MEX3C: variants seen among roughly 807,000 people sequenced by gnomAD.
The protein encoded by MEX3C is RNA-binding E3 ubiquitin-protein ligase MEX3C.
MEX3C carries 15 observed loss-of-function variants against 35.5 expected under a neutral mutation model. The ratio of observed to expected loss-of-function variants is 0.42; its 90% CI spans 0.28 to 0.65. The LOEUF (loss-of-function observed/expected upper bound fraction) is 0.65. Among genes scored for constraint, MEX3C ranks in the 30% least tolerant of loss-of-function variants. MEX3C has a pLI of 0.20. For missense variants in MEX3C, 711 were observed against 842.8 expected (o/e 0.84, Z 1.94); for synonymous variants, 390 against 352.8 (o/e 1.11, Z -1.18).
intron 1 of MEX3C, among the ~76,000 whole-genome samples, chr18:51,183,168 G>C (rs2144551528): frequency 1.3e-5 from 2 of 152,272 alleles, no homozygotes; most frequent in Middle Eastern, 6.8e-3. Flanking sequence ...AGACAGCTCA[G>C]ACATATTTGT....
rs771762673 is a variant in MEX3C at position 51,197,023 on chromosome 18, C to T, written c.298G>A (p.Ala100Thr). Residue 100 changes from alanine (A) to threonine (T), a missense_variant, in exon 1 of 2, where the codon GCC becomes ACC. Coordinates refer to ENST00000406189, the MANE Select transcript of MEX3C (RefSeq NM_016626.5). ...EERAPPGRPG[A>T]PEAAELELEE... ...AGCTCCAGCTCGGCCGCCTCCGGGG[C>T]CCCGGGCCGGCCGGGCGGAGCCCGC... 17 of 1,520,904 alleles carry T rather than the reference C, an allele frequency of 1.1e-5. No individual in the cohort carries two copies. The highest frequency in any genetic ancestry group is 3.6e-5 in the South Asian group (3 of 82,388). The allele number at this position is 1,520,904 out of a possible 1,614,324, so 94.2% of individuals were successfully genotyped here.
At chr18:51,189,875 A>G (rs1173046434) in intron 1 of MEX3C, among the ~76,000 whole-genome samples, 1 of 152,198 alleles carries the variant, frequency 6.6e-6, no homozygotes, top group East Asian at 1.9e-4. Flanking sequence ...GACATATTAT[A>G]AATTTAAAAA....
rs764407076 is a variant in MEX3C at position 51,176,405 on chromosome 18, T to C, written c.1926A>G (p.Pro642=). The C allele has an allele frequency of 3.7e-6, 6 of 1,613,880 alleles. No homozygotes were observed. The highest frequency in any genetic ancestry group is 1.1e-5 in the South Asian group (1 of 91,082). ...CANKICEKRT[P]SCPVCQTAVT... ...CAGCTGTCTGGCAAACTGGACATGATGGCGTTCTCTTTTCACAGATCTTGT... is the reference window on the plus strand; with the variant it reads ...CAGCTGTCTGGCAAACTGGACATGACGGCGTTCTCTTTTCACAGATCTTGT... Residue 642 remains proline, a synonymous_variant, in exon 2 of 2, where the codon CCA becomes CCG. Transcript: ENST00000406189.
At chr18:51,181,609 C>G (rs1263137852) in intron 1 of MEX3C, among the ~76,000 whole-genome samples, 12 of 152,338 alleles carry the variant, frequency 7.9e-5, no homozygotes, top group African/African-American at 1.4e-4. Context: ...TCTTACGCTT[C>G]TACAATCTTC....
intron 1 of MEX3C, 102 bp downstream of exon 1, chr18:51,196,465 G>A (rs1350883923): frequency 1.4e-6 from 2 of 1,476,004 alleles, no homozygotes; most frequent in African/African-American, 1.4e-5. Flanking sequence ...TGGACTTGGG[G>A]GCCTCGCCGG....
Position 51,177,414 on chromosome 18 carries a change from G to A in MEX3C, c.917C>T (p.Ser306Phe). The A allele has an allele frequency of 6.2e-7, 1 of 1,613,946 alleles. No homozygotes were observed. The highest frequency in any genetic ancestry group is 8.5e-7 in the Non-Finnish European group (1 of 1,179,874). The change falls in exon 2 of 2, where the codon TCT becomes TTT. Residue 306 changes from serine to phenylalanine, a missense_variant. Ser to Phe is a radical substitution (Grantham distance 155). Transcript: ENST00000406189. The surrounding 1 kb of genome is among the most constrained non-coding windows in gnomAD (Gnocchi z 4.2). ...CAGGGCAGGCCCATTTTTGTTTCGA[G>A]ATGCACGAATCATGGAGAAGTGCTC... ...AAEHFSMIRA[S>F]RNKNGPALGG...
chr18:51,192,286 A>G (rs1912668186), intron 1 of MEX3C, among the ~76,000 whole-genome samples: 1 of 152,170 alleles, frequency 6.6e-6, no homozygotes, highest in Non-Finnish European at 1.5e-5. Flanking sequence ...GGCAGGAAGA[A>G]AGGCAGTAGA....
chr18:51,182,162 G>C (rs1163238569), intron 1 of MEX3C, among the ~76,000 whole-genome samples: 1 of 152,096 alleles, frequency 6.6e-6, no homozygotes, highest in East Asian at 1.9e-4. Context: ...CTCTTACTCT[G>C]TCTTGTTTAT....
chr18:51,179,361 GT>G (rs1399446581), intron 1 of MEX3C, among the ~76,000 whole-genome samples: 1 of 152,108 alleles, frequency 6.6e-6, no homozygotes, highest in East Asian at 1.9e-4. Context: ...GAACTTGTTT[GT>G]TTGCCCTTCC....
At chr18:51,183,935 T>C (rs1459540276) in intron 1 of MEX3C, among the ~76,000 whole-genome samples, 2 of 152,172 alleles carry the variant, frequency 1.3e-5, no homozygotes, top group African/African-American at 4.8e-5. Flanking sequence ...CAGGAGGTCA[T>C]GGCTGCAGTG....
At chr18:51,196,401 G>A in intron 1 of MEX3C, 166 bp downstream of exon 1, 3 of 1,384,760 alleles carry the variant, frequency 2.2e-6, no homozygotes, top group Non-Finnish European at 2.8e-6. Flanking sequence ...TTTTCGCAAG[G>A]TGACCCATCT....
Position 51,176,452 on chromosome 18 carries a change from G to A in MEX3C, c.1879C>T (p.Leu627Phe). ...IAALVPCGHN[L>F]FCMECANKIC... The stretch of plus-strand genomic sequence containing the variant: ...TTGTTGGCACATTCCATGCAGAAGA[G>A]GTTGTGGCCACATGGAACTAGGGCA... Residue 627 changes from leucine (L) to phenylalanine (F), a missense_variant, in exon 2 of 2, where the codon CTC becomes TTC. Physicochemically the swap from Leu to Phe is conservative, Grantham distance 22. This residue lies in a region of MEX3C where 87 missense variants were observed against 150.4 expected (regional missense o/e 0.58). Coordinates refer to ENST00000406189, the MANE Select transcript of MEX3C (RefSeq NM_016626.5). 1.2e-6 allele frequency: 2 copies of A among 1,613,992 alleles called. No homozygotes were observed. The highest frequency in any genetic ancestry group is 1.7e-6 in the Non-Finnish European group (2 of 1,179,908).
chr18:51,195,547 C>T (rs754430065), intron 1 of MEX3C: 1 of 152,200 alleles, frequency 6.6e-6, no homozygotes, highest in Non-Finnish European at 1.5e-5. Context: ...TTATTTGACC[C>T]CAACAATGCT....
At position 51,176,283 on chromosome 18, in the gene MEX3C, G is replaced by A; in HGVS notation, c.*68C>T. Reference sequence around the variant, plus strand: ...AAGAAATCATTAGGAAGTTTACTGGGGGGTACCATTATACCCATGCCTTTA... The same window carrying A: ...AAGAAATCATTAGGAAGTTTACTGGAGGGTACCATTATACCCATGCCTTTA... On this transcript the variant is annotated 3_prime_UTR_variant, in exon 2 of 2. Coordinates refer to ENST00000406189, the MANE Select transcript of MEX3C (RefSeq NM_016626.5). The A allele has an allele frequency of 7.4e-7, 1 of 1,356,644 alleles. No homozygotes were observed. Among genetic ancestry groups the A allele is most frequent in the Non-Finnish European group, 9.9e-7 (1 of 1,006,220 alleles). 84.0% of individuals were successfully genotyped at this position (1,356,644 alleles called of 1,614,324 possible).
In MEX3C at chr18:51,176,935, C is replaced by G; in HGVS notation, c.1396G>C (p.Asp466His). ...CTAAATGGGCTTGTTGGACTAAAGTCAGCCAGCCTATTGCTTCCAAAGTAG... is the reference window on the plus strand; with the variant it reads ...CTAAATGGGCTTGTTGGACTAAAGTGAGCCAGCCTATTGCTTCCAAAGTAG... ...DSYFGSNRLA[D>H]FSPTSPFSTG... The change falls in exon 2 of 2, where the codon GAC becomes CAC. Residue 466 changes from aspartate (D) to histidine (H), a missense_variant. Around this residue, in one of 4 missense-constraint regions of MEX3C, gnomAD observed 187 missense variants for 201.7 expected, o/e 0.93. Coordinates refer to ENST00000406189, the MANE Select transcript of MEX3C (RefSeq NM_016626.5). 2 of 1,613,998 alleles carry G rather than the reference C, an allele frequency of 1.2e-6. No homozygotes were observed. The highest frequency in any genetic ancestry group is 1.7e-6 in the Non-Finnish European group (2 of 1,179,886).
rs1912819556 is a variant in MEX3C, at chr18:51,196,982, CTCCTCG to C, written c.333_338del (p.Asp111_Glu112del). On this transcript the variant is annotated inframe_deletion, in exon 1 of 2. Coordinates refer to ENST00000406189, the MANE Select transcript of MEX3C (RefSeq NM_016626.5). The stretch of plus-strand genomic sequence containing the variant: ...CGTCCAGCTCCGCTTCCTCCCCCTC[CTCCTCG>C]TCCTCTTCCAGCTCCAGCTCGGCCG... 2.6e-6 allele frequency: 4 copies of C among 1,537,576 alleles called. No individual in the cohort carries two copies. Among genetic ancestry groups the C allele is most frequent in the East Asian group, 2.5e-5 (1 of 39,598 alleles).
At chr18:51,182,299 G>T (rs1012266681) in intron 1 of MEX3C, among the ~76,000 whole-genome samples, 1 of 152,078 alleles carries the variant, frequency 6.6e-6, no homozygotes, top group Admixed American at 6.6e-5. Flanking sequence ...GGATAAGGGG[G>T]GGACTACTGT....
In MEX3C at chr18:51,177,420, C is replaced by A. The variant is rs1282736309; in HGVS notation, c.911G>T (p.Arg304Leu). 2 of 1,613,786 alleles carry A rather than the reference C, an allele frequency of 1.2e-6. No homozygotes were observed. The highest frequency in any genetic ancestry group is 1.7e-5 in the Admixed American group (1 of 59,990). Residue 304 changes from arginine to leucine, a missense_variant, in exon 2 of 2, where the codon CGT becomes CTT. Coordinates refer to ENST00000406189, the MANE Select transcript of MEX3C (RefSeq NM_016626.5). The surrounding 1 kb of genome is among the most constrained non-coding windows in gnomAD (Gnocchi z 4.2). ...LSAAEHFSMIRASRNKNGPAL... is the reference protein window; with the variant it reads ...LSAAEHFSMILASRNKNGPAL... ...AGGCCCATTTTTGTTTCGAGATGCACGAATCATGGAGAAGTGCTCTGCAGC... is the reference window on the plus strand; with the variant it reads ...AGGCCCATTTTTGTTTCGAGATGCAAGAATCATGGAGAAGTGCTCTGCAGC...
rs1912303573 is a variant in MEX3C at position 51,176,402 on chromosome 18, T to G, written c.1929A>C (p.Ser643=). 6.2e-7 allele frequency: 1 copy of G among 1,613,870 alleles called. No homozygotes were observed. Among genetic ancestry groups the G allele is most frequent in the African/African-American group, 1.3e-5 (1 of 74,920 alleles). The part of the protein sequence containing the change: ...ANKICEKRTP[S]CPVCQTAVTQ... ...TAACAGCTGTCTGGCAAACTGGACA[T>G]GATGGCGTTCTCTTTTCACAGATCT... The change falls in exon 2 of 2, where the codon TCA becomes TCC. Residue 643 remains serine, a synonymous_variant. Coordinates refer to ENST00000406189, the MANE Select transcript of MEX3C (RefSeq NM_016626.5).
Sources: gnomAD v4.1 joint callset for allele counts (sites outside exome capture counted in the v4.1 genomes callset) on GRCh38, gnomAD v4.1.1 for gene constraint, gnomAD v4.1.1 regional missense constraint, Gnocchi (gnomAD v3.1) non-coding constraint, MANE v1.5 for transcripts, NCBI Gene and HGNC (gene_info 2026-07-23, HGNC 2026-07-21) for gene names.